MED13L: variants seen among roughly 807,000 people sequenced by gnomAD.
MED13L encodes the protein mediator complex subunit 13L.
A neutral mutation model predicts 220.9 loss-of-function variants in MED13L; 7 were observed. The ratio of observed to expected loss-of-function variants is 0.03; its 90% CI spans 0.02 to 0.06. The LOEUF is 0.06. MED13L is among the 10% of genes least tolerant of loss of function. MED13L has a pLI of 1.00. For synonymous variants in MED13L, 1,011 were observed against 1,015.2 expected (o/e 1.00, Z 0.08); for missense variants, 1,965 against 2,760.5 (o/e 0.71, Z 6.46).
Position 116,096,723 on chromosome 12 carries a change from A to C in MED13L, c.425T>G (p.Ile142Ser). ...GTAGGGTCGGACAAACCATTTCCCA[A>C]TCCTAACGAAGTTCTTATCCATTAG... ...RCLMDKNFVR[I>S]GKWFVRPYEK... Residue 142 changes from isoleucine to serine, a missense_variant, in exon 4 of 31, where the codon ATT becomes AGT. Physicochemically the swap from Ile to Ser is moderately radical, Grantham distance 142. Around this residue, in one of 10 missense-constraint regions of MED13L, gnomAD observed 818 missense variants for 1,041.2 expected, o/e 0.79. Coordinates refer to ENST00000281928, the MANE Select transcript of MED13L (RefSeq NM_015335.5). The C allele has an allele frequency of 6.2e-7, 1 of 1,614,008 alleles. No homozygotes were observed. Among genetic ancestry groups the C allele is most frequent in the Non-Finnish European group, 8.5e-7 (1 of 1,179,940 alleles).
At chr12:116,256,786 A>G (rs1163193312) in intron 1 of MED13L, among the ~76,000 whole-genome samples, 1 of 150,268 alleles carries the variant, frequency 6.7e-6, no homozygotes, top group South Asian at 2.1e-4. Flanking sequence ...CCCAGGTTCA[A>G]GCGATTCTCC....
intron 1 of MED13L, among the ~76,000 whole-genome samples, chr12:116,245,955 G>C (rs936784455): frequency 5.3e-5 from 8 of 152,158 alleles, no homozygotes; most frequent in South Asian, 2.1e-4. Context: ...AAGACTCGCG[G>C]AAGGCATATC....
chr12:116,036,778 A>G (rs1016684346), intron 4 of MED13L, among the ~76,000 whole-genome samples: 1 of 152,200 alleles, frequency 6.6e-6, no homozygotes, highest in Non-Finnish European at 1.5e-5. Flanking sequence ...AATGTAGTTT[A>G]CTTTGGCACC....
At chr12:115,982,111 T>C in intron 22 of MED13L, 1 of 395,626 alleles carries the variant, frequency 2.5e-6, no homozygotes, top group Non-Finnish European at 4.6e-6. Context: ...CCAAAAATAT[T>C]GTATAAAATT....
Position 116,019,933 on chromosome 12 carries a change from C to T in MED13L, c.665G>A (p.Gly222Asp). Residue 222 changes from glycine (G) to aspartate (D), a missense_variant, in exon 6 of 31, where the codon GGC becomes GAC. Transcript: ENST00000281928. ...TGGGTCTGACATCTTGTATGCTTGG[C>T]CTGTTAGCGTCCCATTTAAGCCATA... Reference protein sequence around the residue: ...SPYGLNGTLTGQAYKMSDPAT... With the variant: ...SPYGLNGTLTDQAYKMSDPAT... 6.2e-7 allele frequency: 1 copy of T among 1,613,686 alleles called. No individual in the cohort carries two copies. Among genetic ancestry groups the T allele is most frequent in the Non-Finnish European group, 8.5e-7 (1 of 1,179,898 alleles).
At chr12:116,103,741 T>A (rs560932930) in intron 3 of MED13L, among the ~76,000 whole-genome samples, 3 of 152,348 alleles carry the variant, frequency 2.0e-5, no homozygotes, top group African/African-American at 4.8e-5. Flanking sequence ...CTACGATATC[T>A]GTACTGTCTC....
At position 116,019,823 on chromosome 12, in the gene MED13L, A is replaced by G. The variant is rs1472644554; in HGVS notation, c.775T>C (p.Leu259=). 1 of 1,613,952 alleles carries G rather than the reference A, an allele frequency of 6.2e-7. No homozygotes were observed. Among genetic ancestry groups the G allele is most frequent in the South Asian group, 1.1e-5 (1 of 91,084 alleles). Residue 259 remains leucine, a synonymous_variant, in exon 6 of 31, where the codon TTG becomes CTG. Coordinates refer to ENST00000281928, the MANE Select transcript of MED13L (RefSeq NM_015335.5). ...KKEESKEEDE[L]GYDDDFPVAV... ...ACAGGGAAATCATCATCATATCCCA[A>G]CTCGTCTTCCTCTTTCGATTCTTCT...
At chr12:116,040,294 TAGTA>T (rs1334044779) in intron 4 of MED13L, among the ~76,000 whole-genome samples, 8 of 152,220 alleles carry the variant, frequency 5.3e-5, no homozygotes, top group Non-Finnish European at 8.8e-5. Flanking sequence ...AGAATTCACT[TAGTA>T]AGAAAATTCA....
chr12:116,184,339 A>G (rs949599147), intron 2 of MED13L, among the ~76,000 whole-genome samples: 2 of 152,226 alleles, frequency 1.3e-5, no homozygotes, highest in African/African-American at 4.8e-5. Context: ...TATCCAAAAT[A>G]AAGTTTTTTT....
intron 1 of MED13L, among the ~76,000 whole-genome samples, chr12:116,241,670 G>C (rs1870669817): frequency 6.6e-6 from 1 of 152,186 alleles, no homozygotes; most frequent in African/African-American, 2.4e-5. Context: ...GTTCTAGCAA[G>C]TGATATCTTT....
intron 28 of MED13L, among the ~76,000 whole-genome samples, chr12:115,968,529 C>T (rs956734329): frequency 2.0e-5 from 3 of 152,170 alleles, no homozygotes; most frequent in African/African-American, 4.8e-5. Context: ...CCATCACCAA[C>T]GTGTTCTTCA....
chr12:115,996,616 T>C lies in MED13L; in HGVS notation c.2856A>G (p.Pro952=). Residue 952 remains proline (P), a synonymous_variant, in exon 16 of 31, where the codon CCA becomes CCG. Transcript: ENST00000281928. ...QPFVGSSMFA[P]LKMLPSHCLL... Reference sequence around the variant, plus strand: ...AACAATGGCTCGGCAACATCTTCAGTGGAGCAAACATGGAGGATCCCACAA... The same window carrying C: ...AACAATGGCTCGGCAACATCTTCAGCGGAGCAAACATGGAGGATCCCACAA... 6.2e-7 allele frequency: 1 copy of C among 1,614,064 alleles called. No individual in the cohort carries two copies.
intron 2 of MED13L, among the ~76,000 whole-genome samples, chr12:116,182,532 C>T (rs1880601255): frequency 6.6e-6 from 1 of 152,184 alleles, no homozygotes; most frequent in Non-Finnish European, 1.5e-5. Context: ...TATATCCTTG[C>T]TGTTACCTGT....
chr12:116,267,632 T>C (rs934165254), intron 1 of MED13L, among the ~76,000 whole-genome samples: 3 of 152,222 alleles, frequency 2.0e-5, no homozygotes, highest in Admixed American at 1.3e-4. Flanking sequence ...AAATGTTTAA[T>C]ACAACTCAAG....
chr12:115,968,222 C>T (rs964110269), intron 28 of MED13L, among the ~76,000 whole-genome samples: 3 of 152,102 alleles, frequency 2.0e-5, no homozygotes, highest in Non-Finnish European at 4.4e-5. Flanking sequence ...CAGTACAATA[C>T]AGTGATGCAG....
intron 7 of MED13L, among the ~76,000 whole-genome samples, chr12:116,018,065 A>G (rs561157725): frequency 5.8e-4 from 88 of 152,070 alleles, no homozygotes; most frequent in Non-Finnish European, 1.1e-3. Flanking sequence ...CGAGTTTTGA[A>G]TATTGCTTTA....
intron 4 of MED13L, among the ~76,000 whole-genome samples, chr12:116,045,121 T>A (rs1881756932): frequency 6.6e-6 from 1 of 152,202 alleles, no homozygotes; most frequent in Non-Finnish European, 1.5e-5. Flanking sequence ...ACCGTTATAT[T>A]TTAGTGACTT....
intron 1 of MED13L, among the ~76,000 whole-genome samples, chr12:116,239,797 C>A (rs1870451144): frequency 6.6e-6 from 1 of 152,172 alleles, no homozygotes; most frequent in Non-Finnish European, 1.5e-5. Context: ...AATTGCATAT[C>A]TTTTAAAATA....
chr12:116,229,099 A>G (rs915964075), intron 2 of MED13L, among the ~76,000 whole-genome samples: 1 of 152,168 alleles, frequency 6.6e-6, no homozygotes, highest in Non-Finnish European at 1.5e-5. Context: ...TCTAAATCTT[A>G]AAGTTTTCTA....
Sources: gnomAD v4.1 joint callset for allele counts (sites outside exome capture counted in the v4.1 genomes callset) on GRCh38, gnomAD v4.1.1 for gene constraint, gnomAD v4.1.1 regional missense constraint, MANE v1.5 for transcripts, NCBI Gene and HGNC (gene_info 2026-07-23, HGNC 2026-07-21) for gene names.